Variants in CNIH1 observed in about 807,000 individuals in gnomAD.
The protein encoded by CNIH1 is protein cornichon homolog 1.
CNIH1 carries 12 observed loss-of-function variants against 20.2 expected under a neutral mutation model. The ratio of observed to expected loss-of-function variants is 0.59; its 90% CI spans 0.38 to 0.96. The LOEUF (loss-of-function observed/expected upper bound fraction) is 0.96. Among genes scored for constraint, CNIH1 ranks in the 40% least tolerant of loss-of-function variants. The pLI is 0.00. For missense variants in CNIH1, 152 were observed against 178.8 expected (o/e 0.85, Z 0.85); for synonymous variants, 69 against 63.3 (o/e 1.09, Z -0.43).
At chr14:54,438,477 A>G (rs1167671859) in intron 1 of CNIH1, among the ~76,000 whole-genome samples, 1 of 152,248 alleles carries the variant, frequency 6.6e-6, no homozygotes, top group East Asian at 1.9e-4. Context: ...ATGCCCAAGT[A>G]CACAATTCAG....
At chr14:54,432,320 ACT>A in intron 2 of CNIH1, 100 bp from the exon 3 acceptor site, 6 of 543,966 alleles carry the variant, frequency 1.1e-5, no homozygotes, top group Non-Finnish European at 1.6e-5. Flanking sequence ...ATGAAAAATC[ACT>A]GTTTTCTTAG....
At chr14:54,441,046 G>A (rs1054649435) in intron 1 of CNIH1, among the ~76,000 whole-genome samples, 4 of 151,882 alleles carry the variant, frequency 2.6e-5, no homozygotes, top group African/African-American at 7.2e-5. Context: ...AGGCAACGCG[G>A]GCGCGTCCAC....
At position 54,441,352 on chromosome 14, in the gene CNIH1, G is replaced by C. The variant is rs990642238; in HGVS notation, c.-25C>G. 7 of 1,482,606 alleles carry C rather than the reference G, an allele frequency of 4.7e-6. No homozygotes were observed. The highest frequency in any genetic ancestry group is 1.5e-5 in the African/African-American group (1 of 68,906). 91.8% of individuals were successfully genotyped at this position (1,482,606 alleles called of 1,614,324 possible). A position where few individuals can be genotyped will look rare whatever the true frequency, so the allele number is the denominator to read the frequency against. On this transcript the variant is annotated 5_prime_UTR_variant, in exon 1 of 5. Coordinates refer to ENST00000216416, the MANE Select transcript of CNIH1 (RefSeq NM_005776.3). ...TGGCTGGGGAGGAGGAGCGGGGAGC[G>C]GCGCCGTTGCCAGCGGAGAAAGGCG... is the stretch of plus-strand genomic sequence containing the variant.
intron 4 of CNIH1, 87 bp from the exon 5 acceptor site, chr14:54,427,928 AAAC>A: frequency 1.6e-6 from 2 of 1,225,254 alleles, no homozygotes; most frequent in African/African-American, 1.5e-5. Context: ...TTTATATAGC[AAAC>A]TAGTATCACA....
At position 54,426,826 on chromosome 14, in the gene CNIH1, A is replaced by G. The variant is rs1296287114; in HGVS notation, c.*988T>C. On this transcript the variant is annotated 3_prime_UTR_variant, in exon 5 of 5. Coordinates refer to ENST00000216416, the MANE Select transcript of CNIH1 (RefSeq NM_005776.3). The stretch of plus-strand genomic sequence containing the variant: ...GCATGGTATTTTTCAGAAAACCCAT[A>G]ATGTAGTACGTCACTTTTTAAAAAT... 4 of 152,214 alleles carry G rather than the reference A, an allele frequency of 2.6e-5. No individual in the cohort carries two copies. Among genetic ancestry groups the G allele is most frequent in the Non-Finnish European group, 4.4e-5 (3 of 68,026 alleles). The allele number at this position is 152,214 out of a possible 1,614,324, so 9.4% of individuals were successfully genotyped here. A position where few individuals can be genotyped will look rare whatever the true frequency, so the allele number is the denominator to read the frequency against.
intron 2 of CNIH1, among the ~76,000 whole-genome samples, chr14:54,434,503 C>T (rs1001034923): frequency 1.3e-5 from 2 of 152,178 alleles, no homozygotes; most frequent in Non-Finnish European, 2.9e-5. Context: ...CGGCAAAGTG[C>T]TTTAACCTGG....
At chr14:54,429,568 G>A (rs2030892553) in intron 4 of CNIH1, among the ~76,000 whole-genome samples, 1 of 152,170 alleles carries the variant, frequency 6.6e-6, no homozygotes, top group African/African-American at 2.4e-5. Flanking sequence ...AGACCAACCT[G>A]GCCAACATGG....
At chr14:54,430,036 G>T (rs952030725) in intron 4 of CNIH1, 6 of 505,118 alleles carry the variant, frequency 1.2e-5, no homozygotes, top group Admixed American at 9.9e-5. Flanking sequence ...TTATGAAGCA[G>T]CATCCCTGAC....
intron 3 of CNIH1, among the ~76,000 whole-genome samples, chr14:54,430,846 T>C (rs2140001076): frequency 6.6e-6 from 1 of 152,280 alleles, no homozygotes; most frequent in East Asian, 1.9e-4. Flanking sequence ...GTTGTTGTTG[T>C]TTTGAGACAG....
chr14:54,430,493 G>A (rs2030912617), intron 3 of CNIH1, 89 bp from the exon 4 acceptor site: 10 of 1,272,562 alleles, frequency 7.9e-6, no homozygotes, highest in African/African-American at 3.0e-5. Context: ...CATCTGTTAC[G>A]AGAGGTGGTC....
At position 54,425,635 on chromosome 14, in the gene CNIH1, G is replaced by A. The variant is rs1263249627; in HGVS notation, c.*2179C>T. 1 of 152,154 alleles carries A rather than the reference G, an allele frequency of 6.6e-6. No individual in the cohort carries two copies. Among genetic ancestry groups the A allele is most frequent in the African/African-American group, 2.4e-5 (1 of 41,458 alleles). The allele number at this position is 152,154 out of a possible 1,614,324, so 9.4% of individuals were successfully genotyped here. ...GATCTAATTCATAAAACACTGACAT[G>A]GTAAAAGTGGGTAGATATTAGGAGA... On this transcript the variant is annotated 3_prime_UTR_variant, in exon 5 of 5. Coordinates refer to ENST00000216416, the MANE Select transcript of CNIH1 (RefSeq NM_005776.3).
chr14:54,434,023 A>C (rs1435278467), intron 2 of CNIH1, among the ~76,000 whole-genome samples: 1 of 152,212 alleles, frequency 6.6e-6, no homozygotes, highest in Non-Finnish European at 1.5e-5. Context: ...TTAGGAACCA[A>C]GGTTCAAACA....
intron 1 of CNIH1, chr14:54,436,743 G>T (rs187503265): frequency 6.3e-6 from 3 of 477,584 alleles, no homozygotes; most frequent in Admixed American, 2.6e-5. Context: ...AATCTTCTGA[G>T]TAGAAAAATA....
rs985631524 is a variant in CNIH1 at position 54,426,098 on chromosome 14, G to C, written c.*1716C>G. 1.3e-5 allele frequency: 2 copies of C among 152,314 alleles called. No homozygotes were observed. The highest frequency in any genetic ancestry group is 2.9e-5 in the Non-Finnish European group (2 of 68,022). The allele number at this position is 152,314 out of a possible 1,614,324, so 9.4% of individuals were successfully genotyped here. The stretch of plus-strand genomic sequence containing the variant: ...CCTGTGCTCAAAGCATGAATCTTGA[G>C]AGCCCAGCAAGTACTCAATAAATAA... On this transcript the variant is annotated 3_prime_UTR_variant, in exon 5 of 5. Coordinates refer to ENST00000216416, the MANE Select transcript of CNIH1 (RefSeq NM_005776.3).
intron 2 of CNIH1, among the ~76,000 whole-genome samples, chr14:54,434,064 C>G (rs2031001590): frequency 1.3e-5 from 2 of 152,090 alleles, no homozygotes; most frequent in South Asian, 4.1e-4. Flanking sequence ...AAACCTCAAG[C>G]AAATATGGCT....
In CNIH1 at chr14:54,435,096, C is replaced by T. The variant is rs543254459; in HGVS notation, c.150+1273G>A. ...TAAAATCTACACAAACTCTCCCCTT[C>T]GTTAAGTAATTTTTAAAGCTGAATT... On this transcript the variant is annotated intron_variant, in intron 2 of 4. Transcript: ENST00000216416. Among the ~76,000 whole-genome samples the T allele has an allele frequency of 5.9e-5, 9 of 152,330 alleles. No homozygotes were observed. In the South Asian group the frequency reaches 1.2e-3, roughly 21 times the overall value.
At position 54,436,443 on chromosome 14, in the gene CNIH1, ATAAAAT is replaced by A. The variant is rs2031055896; in HGVS notation, c.82-12_82-7del. 1 of 1,527,324 alleles carries A rather than the reference ATAAAAT, an allele frequency of 6.5e-7. No individual in the cohort carries two copies. The highest frequency in any genetic ancestry group is 1.1e-5 in the South Asian group (1 of 88,064). The allele number at this position is 1,527,324 out of a possible 1,614,324, so 94.6% of individuals were successfully genotyped here. ...AGCTCATCAAATGCTATAATCTAAA[ATAAAAT>A]TAAAACAGTTAGGACCACTCACTTT... On this transcript the variant is annotated splice_region_variant and splice_polypyrimidine_tract_variant and intron_variant, in intron 1 of 4. Transcript: ENST00000216416.
At position 54,437,795 on chromosome 14, in the gene CNIH1, C is replaced by T. The variant is rs117525954; in HGVS notation, c.82-1358G>A. ...ATACTAATTTCTGATTACTTATGGA[C>T]GTTATTAGTCTGCTACTTGACGTCA... On this transcript the variant is annotated intron_variant, in intron 1 of 4. Coordinates refer to ENST00000216416, the MANE Select transcript of CNIH1 (RefSeq NM_005776.3). 3.6e-4 allele frequency among the ~76,000 whole-genome samples: 54 copies of T among 152,082 alleles called. No homozygotes were observed. The East Asian group carries it at 9.8e-3, about 28-fold the overall frequency.
rs970224301 is a variant in CNIH1, at chr14:54,425,495, A to G, written c.*2319T>C. ...TGCCTCAGCTGAACCCACAGGAATAATAGGCTAGGGCCACCCCAAAGAGAT... is the reference window on the plus strand; with the variant it reads ...TGCCTCAGCTGAACCCACAGGAATAGTAGGCTAGGGCCACCCCAAAGAGAT... On this transcript the variant is annotated 3_prime_UTR_variant, in exon 5 of 5. Transcript: ENST00000216416. 2.0e-5 allele frequency: 3 copies of G among 152,228 alleles called. No individual in the cohort carries two copies. Among genetic ancestry groups the G allele is most frequent in the Admixed American group, 1.3e-4 (2 of 15,286 alleles). 9.4% of individuals were successfully genotyped at this position (152,228 alleles called of 1,614,324 possible). A position where few individuals can be genotyped will look rare whatever the true frequency, so the allele number is the denominator to read the frequency against.
Sources: allele counts gnomAD v4.1 joint callset (sites outside exome capture counted in the v4.1 genomes callset), GRCh38; gene constraint gnomAD v4.1.1; transcripts MANE v1.5; gene names NCBI Gene and HGNC (gene_info 2026-07-23, HGNC 2026-07-21).